The following PPEF1 variants were observed in gnomAD, a reference collection of about 807,000 sequenced individuals.
PPEF1 encodes serine/threonine-protein phosphatase with EF-hands 1.
Under a neutral mutation model 53.3 loss-of-function variants are expected in PPEF1, and 12 were observed. The observed-to-expected ratio is 0.23, with a 90% CI of 0.14 to 0.36. The LOEUF (loss-of-function observed/expected upper bound fraction) is 0.36. Among genes scored for constraint, PPEF1 ranks in the 10% least tolerant of loss-of-function variants. The pLI is 1.00. For synonymous variants in PPEF1, 165 were observed against 176.7 expected, an observed-to-expected ratio of 0.93 and a Z score of 0.52; for missense variants, 334 against 490.4, an observed-to-expected ratio of 0.68 and a Z score of 3.01.
intron 10 of PPEF1, among the ~76,000 whole-genome samples, chrX:18,798,652 C>G (rs1446565783): frequency 2.7e-5 from 3 of 110,728 alleles, no homozygotes; most frequent in Non-Finnish European, 3.8e-5. Flanking sequence ...GAGATGGAGT[C>G]TTGCTCTGTC....
chrX:18,824,720 G>A lies in PPEF1; in HGVS notation c.1665+634G>A, dbSNP rs765145617. 3.6e-3 allele frequency among the ~76,000 whole-genome samples: 394 copies of A among 110,169 alleles called. 1 individual carries two copies. The highest frequency in any genetic ancestry group is 0.012 in the African/African-American group (378 of 30,300). ...GCTCTGTTGCCCAGGCTGGAGTGCA[G>A]TGGTGCAGTCTCGGCTCACTGCAAC... On this transcript the variant is annotated intron_variant, in intron 14 of 15. Transcript: ENST00000470157.
chrX:18,807,519 T>G (rs1040469397), intron 12 of PPEF1, among the ~76,000 whole-genome samples: 1 of 112,014 alleles, frequency 8.9e-6, no homozygotes, highest in Non-Finnish European at 1.9e-5. Context: ...AGTCAAGCAT[T>G]TATTCAGTCA....
rs184384435 is a variant in PPEF1, at chrX:18,792,031, A to C, written c.1065+2758A>C. Among the ~76,000 whole-genome samples the C allele has an allele frequency of 8.0e-5, 9 of 112,633 alleles. No individual in the cohort carries two copies. In the East Asian group the frequency reaches 2.5e-3, roughly 31 times the overall value. On this transcript the variant is annotated intron_variant, in intron 10 of 15. Coordinates refer to ENST00000470157, the MANE Select transcript of PPEF1 (RefSeq NM_001377996.1). ...ACCTGACATTCCTGGGATAAATCCCACTTGGTCATGATGTATAATCCACCT... is the reference window on the plus strand; with the variant it reads ...ACCTGACATTCCTGGGATAAATCCCCCTTGGTCATGATGTATAATCCACCT...
At chrX:18,721,248 G>GT (rs1241668523) in intron 1 of PPEF1, among the ~76,000 whole-genome samples, 1 of 111,798 alleles carries the variant, frequency 8.9e-6, no homozygotes, top group Non-Finnish European at 1.9e-5. Context: ...GAAATGTTTA[G>GT]TGTTCCCAAA....
chrX:18,694,743 C>A (rs1419990076), intron 4 of PPEF1, among the ~76,000 whole-genome samples: 1 of 111,388 alleles, frequency 9.0e-6, no homozygotes, highest in Non-Finnish European at 1.9e-5. Flanking sequence ...CTCAACCCCC[C>A]CACCCAAATT....
chrX:18,753,889 T>A (rs1163560046), intron 4 of PPEF1, among the ~76,000 whole-genome samples: 5 of 111,394 alleles, frequency 4.5e-5, no homozygotes, highest in Admixed American at 3.8e-4. Context: ...CTGGAGAATG[T>A]TCCATGTGTC....
chrX:18,800,755 G>A (rs1030362362), intron 10 of PPEF1, among the ~76,000 whole-genome samples: 3 of 111,365 alleles, frequency 2.7e-5, no homozygotes, highest in African/African-American at 6.5e-5. Flanking sequence ...CAAATACTAC[G>A]CCATTTTATA....
chrX:18,730,336 T>C, intron 2 of PPEF1, 28 bp downstream of exon 2: 1 of 1,193,825 alleles, frequency 8.4e-7, no homozygotes, highest in Non-Finnish European at 1.1e-6. Context: ...TTCTCTTCTT[T>C]TGATAAAATG....
At chrX:18,719,978 A>G (rs2044545077) in intron 1 of PPEF1, among the ~76,000 whole-genome samples, 1 of 111,930 alleles carries the variant, frequency 8.9e-6, no homozygotes, top group Non-Finnish European at 1.9e-5. Context: ...CAAGTGATCC[A>G]AGTTCGCTCA....
chrX:18,728,309 A>G (rs1019086938), intron 1 of PPEF1, among the ~76,000 whole-genome samples: 1 of 111,323 alleles, frequency 9.0e-6, no homozygotes, highest in Non-Finnish European at 1.9e-5. Context: ...ATGGTTCCAC[A>G]TGGCTGGGGA....
At chrX:18,749,751 A>AAC in intron 3 of PPEF1, 41 bp from the exon 4 acceptor site, 1 of 115,251 alleles carries the variant, frequency 8.7e-6, no homozygotes, top group Non-Finnish European at 1.8e-5. Context: ...GTTGATTCCC[A>AAC]CCCCCACCCC....
At chrX:18,784,911 G>A (rs765888114) in intron 9 of PPEF1, among the ~76,000 whole-genome samples, 1 of 110,564 alleles carries the variant, frequency 9.0e-6, no homozygotes, top group Non-Finnish European at 1.9e-5. Flanking sequence ...CCAAGAGGAA[G>A]CCCTCAGGCT....
chrX:18,805,035 G>A (rs1431843125), intron 11 of PPEF1, among the ~76,000 whole-genome samples: 1 of 108,768 alleles, frequency 9.2e-6, no homozygotes, highest in Non-Finnish European at 1.9e-5. Context: ...TGTCCAGGCT[G>A]GAGTGCAGTG....
intron 10 of PPEF1, among the ~76,000 whole-genome samples, chrX:18,798,177 G>A (rs1490127499): frequency 9.1e-6 from 1 of 110,481 alleles, no homozygotes; most frequent in Non-Finnish European, 1.9e-5. Flanking sequence ...GACCACCTGG[G>A]CTCAAGTGAT....
At chrX:18,820,079 A>C (rs2047002186) in intron 13 of PPEF1, among the ~76,000 whole-genome samples, 1 of 112,085 alleles carries the variant, frequency 8.9e-6, no homozygotes, top group African/African-American at 3.2e-5. Flanking sequence ...AAATTTAGAA[A>C]AACATATACC....
chrX:18,761,845 T>C (rs932758269), intron 6 of PPEF1, among the ~76,000 whole-genome samples: 1 of 111,211 alleles, frequency 9.0e-6, no homozygotes, highest in African/African-American at 3.3e-5. Context: ...GTATTTATTG[T>C]CTTTATCGCA....
intron 1 of PPEF1, among the ~76,000 whole-genome samples, chrX:18,676,308 C>T (rs1316483525): frequency 1.8e-5 from 2 of 111,268 alleles, no homozygotes; most frequent in Non-Finnish European, 3.8e-5. Flanking sequence ...TGCCCATCTT[C>T]CACGTAGGAA....
chrX:18,716,775 G>C (rs1471246275), intron 1 of PPEF1, among the ~76,000 whole-genome samples: 1 of 111,062 alleles, frequency 9.0e-6, no homozygotes, highest in Non-Finnish European at 1.9e-5. Flanking sequence ...TTGTTTGTCA[G>C]AGGGTTCTAG....
At chrX:18,764,369 GC>G (rs750576171) in intron 6 of PPEF1, among the ~76,000 whole-genome samples, 5 of 111,421 alleles carry the variant, frequency 4.5e-5, no homozygotes, top group Non-Finnish European at 9.4e-5. Flanking sequence ...AGCCCTGGGG[GC>G]AAGCAGAGCC....
Sources: gnomAD v4.1 joint callset for allele counts (sites outside exome capture counted in the v4.1 genomes callset) on GRCh38, gnomAD v4.1.1 for gene constraint, MANE v1.5 for transcripts, NCBI Gene and HGNC (gene_info 2026-07-23, HGNC 2026-07-21) for gene names.